FOXP2: variants seen among roughly 807,000 people sequenced by gnomAD.
FOXP2 encodes forkhead box P2.
FOXP2 carries 12 observed loss-of-function variants against 115.8 expected under a neutral mutation model. The observed-to-expected ratio is 0.10, with a 90% confidence interval of 0.07 to 0.17. FOXP2 has a LOEUF of 0.17. Ranked by LOEUF, FOXP2 falls within the 10% of genes least tolerant of loss-of-function variation. The pLI, the probability that FOXP2 is intolerant of heterozygous loss-of-function variation, is 1.00. For missense variants in FOXP2, 629 were observed against 843.5 expected (o/e 0.75, Z 3.15); for synonymous variants, 328 against 297.7 (o/e 1.10, Z -1.05).
intron 16 of FOXP2, among the ~76,000 whole-genome samples, chr7:114,673,994 A>C (rs1807629965): frequency 6.6e-6 from 1 of 152,200 alleles, no homozygotes; most frequent in African/African-American, 2.4e-5. Flanking sequence ...GAGCCACTGC[A>C]CCTGGCTGGA....
At chr7:114,552,749 A>G (rs1010965507) in intron 3 of FOXP2, among the ~76,000 whole-genome samples, 2 of 152,160 alleles carry the variant, frequency 1.3e-5, no homozygotes, top group Non-Finnish European at 2.9e-5. Flanking sequence ...ATCTGTTTAG[A>G]GTACTTTTCT....
At chr7:114,095,403 C>T (rs1003226131) in intron 1 of FOXP2, among the ~76,000 whole-genome samples, 2 of 151,850 alleles carry the variant, frequency 1.3e-5, no homozygotes, top group Non-Finnish European at 2.9e-5. Flanking sequence ...AGAAAAATGA[C>T]CACAGTCACT....
At chr7:114,107,684 C>T (rs551728606) in intron 1 of FOXP2, among the ~76,000 whole-genome samples, 105 of 151,914 alleles carry the variant, frequency 6.9e-4, no homozygotes, top group African/African-American at 2.5e-3. Context: ...GTTAGTGATC[C>T]TATAATAAAA....
chr7:114,388,070 A>G (rs1327716700), intron 2 of FOXP2, among the ~76,000 whole-genome samples: 3 of 152,194 alleles, frequency 2.0e-5, no homozygotes, highest in Admixed American at 2.0e-4. Flanking sequence ...TGTCATTGAT[A>G]TACCAAGTGA....
chr7:114,680,131 T>C (rs926557954), intron 16 of FOXP2, among the ~76,000 whole-genome samples: 4 of 152,192 alleles, frequency 2.6e-5, no homozygotes, highest in Non-Finnish European at 5.9e-5. Context: ...TTTCCTCCAG[T>C]TGTCTAAAGA....
intron 1 of FOXP2, among the ~76,000 whole-genome samples, chr7:114,239,070 A>C (rs1485637436): frequency 1.3e-5 from 2 of 151,778 alleles, no homozygotes; most frequent in Non-Finnish European, 2.9e-5. Flanking sequence ...TTCTGTAAAA[A>C]TGCTGAACAA....
intron 2 of FOXP2, among the ~76,000 whole-genome samples, chr7:114,371,214 G>A (rs973738148): frequency 2.6e-5 from 4 of 151,592 alleles, no homozygotes; most frequent in Non-Finnish European, 4.4e-5. Context: ...CTAAGTAGCT[G>A]GAACTAGAGG....
At chr7:114,132,541 T>TTA (rs1791910793) in intron 1 of FOXP2, among the ~76,000 whole-genome samples, 10 of 90,642 alleles carry the variant, frequency 1.1e-4, no homozygotes, top group African/African-American at 4.8e-4. Flanking sequence ...AAAAGATAAA[T>TTA]TGTGTGTGTG....
At chr7:114,643,531 GTTA>G (rs1189963400) in intron 7 of FOXP2, among the ~76,000 whole-genome samples, 3 of 152,024 alleles carry the variant, frequency 2.0e-5, no homozygotes, top group Non-Finnish European at 4.4e-5. Context: ...TTTTATTTCA[GTTA>G]TTAATATTAA....
At position 114,488,202 on chromosome 7, in the gene FOXP2, G is replaced by C. The variant is rs555453056; in HGVS notation, c.169-46415G>C. On this transcript the variant is annotated intron_variant, in intron 2 of 16. Coordinates refer to ENST00000350908, the MANE Select transcript of FOXP2 (RefSeq NM_014491.4). ...TGAACTCCCCTCTATAAAACCATCAGATCTAGTGAGATTTATTCACAGTTA... is the reference window on the plus strand; with the variant it reads ...TGAACTCCCCTCTATAAAACCATCACATCTAGTGAGATTTATTCACAGTTA... Among the ~76,000 whole-genome samples the C allele has an allele frequency of 3.3e-5, 5 of 152,194 alleles. No individual in the cohort carries two copies. The South Asian group carries it at 1.0e-3, about 32-fold the overall frequency.
chr7:114,651,801 A>G (rs1806271108), intron 8 of FOXP2, among the ~76,000 whole-genome samples: 1 of 152,158 alleles, frequency 6.6e-6, no homozygotes, highest in African/African-American at 2.4e-5. Flanking sequence ...AATACATCAT[A>G]GAAACAACAA....
At chr7:114,313,206 C>A (rs938813453) in intron 2 of FOXP2, among the ~76,000 whole-genome samples, 8 of 152,158 alleles carry the variant, frequency 5.3e-5, no homozygotes, top group Non-Finnish European at 7.3e-5. Flanking sequence ...AGCTAAAAGA[C>A]ACCACTATGA....
At chr7:114,453,337 C>A (rs1183053021) in intron 2 of FOXP2, among the ~76,000 whole-genome samples, 1 of 152,036 alleles carries the variant, frequency 6.6e-6, no homozygotes, top group Non-Finnish European at 1.5e-5. Context: ...GGTTAAGCTG[C>A]ATTTAAGTCC....
intron 3 of FOXP2, among the ~76,000 whole-genome samples, chr7:114,589,020 G>A (rs1802301101): frequency 6.6e-6 from 1 of 152,020 alleles, no homozygotes. Flanking sequence ...ATAAACTCGA[G>A]TATATATTTT....
At chr7:114,607,264 A>AT (rs1445794192) in intron 3 of FOXP2, among the ~76,000 whole-genome samples, 1 of 152,236 alleles carries the variant, frequency 6.6e-6, no homozygotes, top group Non-Finnish European at 1.5e-5. Context: ...AAGGCTAGAT[A>AT]TATCACTACT....
At chr7:114,155,802 AAAGG>A (rs2129149523) in intron 1 of FOXP2, among the ~76,000 whole-genome samples, 1 of 152,236 alleles carries the variant, frequency 6.6e-6, no homozygotes, top group East Asian at 1.9e-4. Flanking sequence ...ATCAGGAATG[AAAGG>A]AAGTATGCAT....
intron 3 of FOXP2, among the ~76,000 whole-genome samples, chr7:114,551,778 T>C (rs1800222089): frequency 1.3e-5 from 2 of 152,200 alleles, no homozygotes; most frequent in African/African-American, 2.4e-5. Flanking sequence ...GGCAGGTATT[T>C]ATTTTTCTTC....
intron 2 of FOXP2, among the ~76,000 whole-genome samples, chr7:114,322,110 C>A (rs1169294992): frequency 6.6e-6 from 1 of 151,104 alleles, no homozygotes; most frequent in Non-Finnish European, 1.5e-5. Flanking sequence ...ATAGCCTAGA[C>A]CTCCTGGGCT....
rs184420249 is a variant in FOXP2, at chr7:114,471,831, G to A, written c.168+45152G>A. On this transcript the variant is annotated intron_variant, in intron 2 of 16. Transcript: ENST00000350908. ...AAAAATTAGCTGGGCATGGTGGCGGGCACCTGTAATCCCAGCTACTCCGGA... is the reference window on the plus strand; with the variant it reads ...AAAAATTAGCTGGGCATGGTGGCGGACACCTGTAATCCCAGCTACTCCGGA... 1.2e-3 allele frequency among the ~76,000 whole-genome samples: 179 copies of A among 151,784 alleles called. 1 individual carries two copies. The highest frequency in any genetic ancestry group is 4.1e-3 in the African/African-American group (170 of 41,406).
Sources: gnomAD v4.1 joint callset for allele counts (sites outside exome capture counted in the v4.1 genomes callset) on GRCh38, gnomAD v4.1.1 for gene constraint, MANE v1.5 for transcripts, NCBI Gene and HGNC (gene_info 2026-07-23, HGNC 2026-07-21) for gene names.